LIMS1: variants seen among roughly 807,000 people sequenced by gnomAD.
LIMS1 encodes LIM and senescent cell antigen-like-containing domain protein 1.
A neutral mutation model predicts 44.1 loss-of-function variants in LIMS1; 18 were observed. That is an observed-to-expected ratio of 0.41 (90% confidence interval 0.28 to 0.61). The LOEUF (loss-of-function observed/expected upper bound fraction) is 0.61. Among genes scored for constraint, LIMS1 ranks in the 20% least tolerant of loss-of-function variants. LIMS1 has a pLI of 0.32. For synonymous variants in LIMS1, 93 were observed against 149.1 expected (o/e 0.62, Z 2.74); for missense variants, 201 against 422.0 (o/e 0.48, Z 4.59).
intron 1 of LIMS1, among the ~76,000 whole-genome samples, chr2:108,606,212 T>C (rs1365577597): frequency 6.6e-6 from 1 of 152,270 alleles, no homozygotes; most frequent in Non-Finnish European, 1.5e-5. Flanking sequence ...TATTTTAGTT[T>C]GCAAGTTGGA....
intron 1 of LIMS1, among the ~76,000 whole-genome samples, chr2:108,614,984 C>G (rs1439955023): frequency 2.6e-5 from 4 of 152,132 alleles, no homozygotes; most frequent in African/African-American, 9.7e-5. Flanking sequence ...TACATTTCTC[C>G]TCTCACACAG....
intron 1 of LIMS1, among the ~76,000 whole-genome samples, chr2:108,608,025 A>C (rs1687369948): frequency 6.6e-6 from 1 of 152,166 alleles, no homozygotes; most frequent in Non-Finnish European, 1.5e-5. Context: ...TATTGAAATT[A>C]ATAAAAGGAA....
At chr2:108,567,922 C>G (rs1685349935) in intron 1 of LIMS1, among the ~76,000 whole-genome samples, 1 of 152,182 alleles carries the variant, frequency 6.6e-6, no homozygotes, top group Non-Finnish European at 1.5e-5. Flanking sequence ...GGAGGTGCTA[C>G]TTGCAATTTT....
rs546062625 is a variant in LIMS1, at chr2:108,556,981, TA to T, written c.32+22391del. 3.3e-4 allele frequency among the ~76,000 whole-genome samples: 50 copies of T among 152,350 alleles called. No individual in the cohort carries two copies. In the Middle Eastern group the frequency reaches 0.01, roughly 31 times the overall value. On this transcript the variant is annotated intron_variant, in intron 1 of 9. Transcript: ENST00000544547. ...GCAGGGATCCCCCTGACCCCTTCTT[TA>T]AAACAGTTTCTTTTTTGTTTTCATT...
Position 108,661,645 on chromosome 2 carries a change from T to C in LIMS1, c.192+1881T>C, listed in dbSNP as rs191117080. ...GTGAGGAGAAGGAATAGGAAATCCCTAGGTGCTGCGGCAGCAAGAAGAGAG... is the reference window on the plus strand; with the variant it reads ...GTGAGGAGAAGGAATAGGAAATCCCCAGGTGCTGCGGCAGCAAGAAGAGAG... On this transcript the variant is annotated intron_variant, in intron 2 of 9. Transcript: ENST00000544547. Among the ~76,000 whole-genome samples, 35 of 152,228 alleles carry C rather than the reference T, an allele frequency of 2.3e-4. No homozygotes were observed. The East Asian group carries it at 6.6e-3, about 29-fold the overall frequency.
Position 108,534,978 on chromosome 2 carries a change from C to T in LIMS1, c.32+384C>T, listed in dbSNP as rs190699122. On this transcript the variant is annotated intron_variant, in intron 1 of 9. Coordinates refer to ENST00000544547, the Ensembl canonical transcript of LIMS1. ...GAGGACCTGGAATGGTGGCTATCTC[C>T]ATAGACTGTACTAGAAAGGAAAACC... Among the ~76,000 whole-genome samples, 557 of 152,318 alleles carry T rather than the reference C, an allele frequency of 3.7e-3. 1 individual carries two copies. The highest frequency in any genetic ancestry group is 6.1e-3 in the Non-Finnish European group (416 of 68,026).
At chr2:108,684,008 A>G (rs1693180395) in exon 10 of LIMS1, 1 of 1,391,008 alleles carries the variant, frequency 7.2e-7, no homozygotes, top group South Asian at 1.2e-5. Flanking sequence ...AAGTTCCTTT[A>G]TTTTTTCTTT....
chr2:108,675,784 A>C, intron 5 of LIMS1, 94 bp from the exon 6 acceptor site: 2 of 1,463,998 alleles, frequency 1.4e-6, no homozygotes, highest in East Asian at 4.5e-5. Flanking sequence ...TTGTCATAGT[A>C]ATGTCTTTAA....
intron 1 of LIMS1, among the ~76,000 whole-genome samples, chr2:108,539,818 C>T (rs1035808898): frequency 2.0e-5 from 3 of 152,076 alleles, no homozygotes; most frequent in Non-Finnish European, 4.4e-5. Flanking sequence ...TCTTTTCCTC[C>T]GGACTTATAC....
chr2:108,674,820 C>T lies in LIMS1; in HGVS notation c.531-1058C>T, dbSNP rs567352574. On this transcript the variant is annotated intron_variant, in intron 5 of 9. Coordinates refer to ENST00000544547, the Ensembl canonical transcript of LIMS1. ...TGAATTATCAGTTTGTGCCTTATCT[C>T]GTTTTCTTGCCTGTCCTTCCTCTTG... 7.4e-3 allele frequency among the ~76,000 whole-genome samples: 1,102 copies of T among 149,786 alleles called. 14 individuals are homozygous for T. Among genetic ancestry groups the T allele is most frequent in the African/African-American group, 0.026 (1,052 of 40,856 alleles).
intron 1 of LIMS1, among the ~76,000 whole-genome samples, chr2:108,538,477 C>CAGT (rs1684212974): frequency 6.6e-6 from 1 of 152,128 alleles, no homozygotes; most frequent in South Asian, 2.1e-4. Flanking sequence ...AAGGTGAAGG[C>CAGT]AGTAGTTCAG....
At chr2:108,653,055 C>G (rs1206427884) in intron 1 of LIMS1, among the ~76,000 whole-genome samples, 2 of 152,228 alleles carry the variant, frequency 1.3e-5, no homozygotes, top group African/African-American at 4.8e-5. Flanking sequence ...TGGGCAGGAT[C>G]TGTAGCCCAC....
chr2:108,572,114 T>C (rs1685498109), intron 1 of LIMS1, among the ~76,000 whole-genome samples: 1 of 152,098 alleles, frequency 6.6e-6, no homozygotes, highest in South Asian at 2.1e-4. Flanking sequence ...ACTAGAAAAG[T>C]TATTTTGAAA....
chr2:108,577,204 C>T (rs1685703307), intron 1 of LIMS1, among the ~76,000 whole-genome samples: 1 of 152,232 alleles, frequency 6.6e-6, no homozygotes, highest in Non-Finnish European at 1.5e-5. Flanking sequence ...GCCTGACACA[C>T]TGTTAAGTCA....
At chr2:108,580,365 T>C (rs1443334395) in intron 1 of LIMS1, among the ~76,000 whole-genome samples, 5 of 151,984 alleles carry the variant, frequency 3.3e-5, no homozygotes, top group Non-Finnish European at 7.4e-5. Context: ...GGCCAGAGGA[T>C]AGGAAGAAGC....
intron 2 of LIMS1, among the ~76,000 whole-genome samples, chr2:108,667,532 C>CTT (rs1205192856): frequency 2.3e-5 from 1 of 43,602 alleles, no homozygotes; most frequent in African/African-American, 7.2e-5. Flanking sequence ...TATTTTCAAC[C>CTT]TTTTTTAAAA....
chr2:108,604,618 C>T (rs184180604), intron 1 of LIMS1, among the ~76,000 whole-genome samples: 217 of 152,296 alleles, frequency 1.4e-3, no homozygotes, highest in Admixed American at 7.3e-3. Flanking sequence ...AGTCTTGCTC[C>T]TCATCCCCCT....
chr2:108,645,880 A>G (rs925475316), intron 1 of LIMS1, among the ~76,000 whole-genome samples: 2 of 152,178 alleles, frequency 1.3e-5, no homozygotes. Context: ...CCTTTAAACT[A>G]CAAAGATCAA....
At chr2:108,642,383 G>A (rs1187172204) in intron 1 of LIMS1, among the ~76,000 whole-genome samples, 13 of 114,412 alleles carry the variant, frequency 1.1e-4, no homozygotes, top group African/African-American at 3.1e-4. Context: ...TTTTTGAGAC[G>A]GAGTCTCGCT....
Sources: gnomAD v4.1 joint callset for allele counts (sites outside exome capture counted in the v4.1 genomes callset) on GRCh38, gnomAD v4.1.1 for gene constraint, MANE v1.5 for transcripts, NCBI Gene and HGNC (gene_info 2026-07-23, HGNC 2026-07-21) for gene names.